FAM133B: variants seen among roughly 807,000 people sequenced by gnomAD.
FAM133B encodes family with sequence similarity 133 member B.
Under a neutral mutation model 46.4 loss-of-function variants are expected in FAM133B, and 25 were observed. The ratio of observed to expected loss-of-function variants is 0.54; its 90% CI spans 0.39 to 0.75. The LOEUF (loss-of-function observed/expected upper bound fraction) is 0.75. FAM133B is among the 30% of genes least tolerant of loss of function. The pLI is 0.00. For synonymous variants in FAM133B, 75 were observed against 86.0 expected (o/e 0.87, Z 0.71); for missense variants, 205 against 277.6 (o/e 0.74, Z 1.86).
At chr7:92,590,041 A>T (rs768111713) in intron 1 of FAM133B, 8 of 606,996 alleles carry the variant, frequency 1.3e-5, no homozygotes, top group African/African-American at 1.9e-5. Flanking sequence ...AAGAGCGACG[A>T]GGTGAGGGAA....
intron 1 of FAM133B, among the ~76,000 whole-genome samples, chr7:92,587,402 A>G (rs374770122): frequency 7.2e-5 from 11 of 152,288 alleles, no homozygotes; most frequent in African/African-American, 2.4e-4. Context: ...TGGTAGAGGA[A>G]TGGCTAGGCC....
intron 1 of FAM133B, among the ~76,000 whole-genome samples, chr7:92,584,053 A>G (rs1794967849): frequency 3.4e-5 from 5 of 147,688 alleles, no homozygotes; most frequent in Admixed American, 1.3e-4. Flanking sequence ...GTCTCAAAAA[A>G]AAAAAAAAAA....
At chr7:92,569,716 A>C in intron 9 of FAM133B, 107 bp downstream of exon 9, 1 of 547,928 alleles carries the variant, frequency 1.8e-6, no homozygotes, top group Non-Finnish European at 3.0e-6. Context: ...TTCATACTAG[A>C]AAGGTGAATA....
At chr7:92,568,924 C>T (rs1794449030) in intron 9 of FAM133B, among the ~76,000 whole-genome samples, 1 of 151,992 alleles carries the variant, frequency 6.6e-6, no homozygotes, top group Non-Finnish European at 1.5e-5. Flanking sequence ...TCTTAAAGGA[C>T]CAAGTGCCAC....
chr7:92,577,143 GATTT>G lies in FAM133B; in HGVS notation c.421_424del (p.Lys141LeufsTer17). On this transcript the variant is annotated frameshift_variant, in exon 7 of 11. Transcript: ENST00000445716. LOFTEE classifies it high-confidence loss of function. ...AGTTTCTGACATGGAGCTTTCAGAA[GATTT>G]ATGTGAACGGTTCTTCTTTTTCTTT... The G allele has an allele frequency of 1.3e-6, 2 of 1,501,812 alleles. No homozygotes were observed. The highest frequency in any genetic ancestry group is 1.8e-6 in the Non-Finnish European group (2 of 1,122,882). 93.0% of individuals were successfully genotyped at this position (1,501,812 alleles called of 1,614,324 possible).
intron 9 of FAM133B, 76 bp from the exon 10 acceptor site, chr7:92,566,137 C>T: frequency 7.3e-7 from 1 of 1,374,478 alleles, no homozygotes; most frequent in South Asian, 1.2e-5. Context: ...CTTTCATTCT[C>T]TATCTTGCAT....
In FAM133B at chr7:92,578,412, C is replaced by T; in HGVS notation, c.202-19G>A. 1 of 1,605,780 alleles carries T rather than the reference C, an allele frequency of 6.2e-7. No homozygotes were observed. The highest frequency in any genetic ancestry group is 1.7e-5 in the Admixed American group (1 of 59,180). On this transcript the variant is annotated intron_variant, in intron 3 of 10. Coordinates refer to ENST00000445716, the MANE Select transcript of FAM133B (RefSeq NM_152789.4). ...TCCAGTTCTGCAAAAAGGTTATGAACACCATCAGAGACTATCTAACCTTTC... is the reference window on the plus strand; with the variant it reads ...TCCAGTTCTGCAAAAAGGTTATGAATACCATCAGAGACTATCTAACCTTTC...
intron 2 of FAM133B, 148 bp downstream of exon 2, chr7:92,581,358 A>T (rs1794863835): frequency 1.5e-6 from 1 of 653,058 alleles, no homozygotes; most frequent in Non-Finnish European, 2.6e-6. Flanking sequence ...TGTTTCACAC[A>T]TTCAAAAGAA....
chr7:92,590,134 A>C (rs1477788718), intron 1 of FAM133B, 134 bp downstream of exon 1: 22 of 1,327,956 alleles, frequency 1.7e-5, no homozygotes, highest in Non-Finnish European at 1.8e-5. Context: ...GGATCGGCGG[A>C]GGGTGCTGGG....
Position 92,567,406 on chromosome 7 carries a change from TTGC to T in FAM133B, c.610-1348_610-1346del, listed in dbSNP as rs567166655. On this transcript the variant is annotated intron_variant, in intron 9 of 10. Coordinates refer to ENST00000445716, the MANE Select transcript of FAM133B (RefSeq NM_152789.4). ...TTGCCTAATGTTGAATTGCGTGGTT[TTGC>T]TGCTAAGTGACTACGACATTAAATA... is the stretch of plus-strand genomic sequence containing the variant. Among the ~76,000 whole-genome samples the T allele has an allele frequency of 1.7e-4, 26 of 152,312 alleles. No homozygotes were observed. In the East Asian group the frequency reaches 3.7e-3, roughly 21 times the overall value.
chr7:92,582,302 AAT>A (rs1365775532), intron 1 of FAM133B, among the ~76,000 whole-genome samples: 148 of 114,368 alleles, frequency 1.3e-3, no homozygotes, highest in Middle Eastern at 4.7e-3. Flanking sequence ...ACATAACATA[AAT>A]AACATAAAAT....
chr7:92,584,175 T>C (rs1794974040), intron 1 of FAM133B, among the ~76,000 whole-genome samples: 1 of 151,310 alleles, frequency 6.6e-6, no homozygotes, highest in East Asian at 1.9e-4. Flanking sequence ...GCCTCCTGAG[T>C]AGCTAGGACA....
chr7:92,564,766 A>C (rs937818502), intron 10 of FAM133B, among the ~76,000 whole-genome samples: 1 of 152,220 alleles, frequency 6.6e-6, no homozygotes, highest in Non-Finnish European at 1.5e-5. Context: ...GAGGGCCCCT[A>C]AATTACTTTG....
At chr7:92,580,323 G>A (rs1037913191) in intron 2 of FAM133B, among the ~76,000 whole-genome samples, 8 of 151,844 alleles carry the variant, frequency 5.3e-5, no homozygotes, top group African/African-American at 1.9e-4. Context: ...TCAAACTCCT[G>A]GCCTCAAGCA....
At chr7:92,584,201 C>T (rs569956703) in intron 1 of FAM133B, among the ~76,000 whole-genome samples, 30 of 152,074 alleles carry the variant, frequency 2.0e-4, no homozygotes, top group African/African-American at 5.3e-4. Flanking sequence ...TGTGAGCCAC[C>T]GTGCCCAGTC....
rs147367444 is a variant in FAM133B, at chr7:92,565,665, G to A, written c.657+349C>T. The A allele has an allele frequency of 3.3e-3, 631 of 192,914 alleles. 4 individuals are homozygous for A. The highest frequency in any genetic ancestry group is 0.014 in the African/African-American group (605 of 42,566). The allele number at this position is 192,914 out of a possible 1,614,324, so 12.0% of individuals were successfully genotyped here. ...TTTTTAGTAGAGACGGGGTTTCACCGTGTTAGCCAGGATGGTCTCGAGCTC... is the reference window on the plus strand; with the variant it reads ...TTTTTAGTAGAGACGGGGTTTCACCATGTTAGCCAGGATGGTCTCGAGCTC... On this transcript the variant is annotated intron_variant, in intron 10 of 10. Coordinates refer to ENST00000445716, the MANE Select transcript of FAM133B (RefSeq NM_152789.4).
intron 9 of FAM133B, among the ~76,000 whole-genome samples, chr7:92,569,319 G>A: frequency 6.6e-6 from 1 of 152,136 alleles, no homozygotes. Context: ...ATGATGCAAT[G>A]CCTTTCGTAA....
intron 5 of FAM133B, 174 bp downstream of exon 5, chr7:92,577,976 C>T (rs1794752322): frequency 1.2e-5 from 8 of 688,908 alleles, no homozygotes; most frequent in South Asian, 8.1e-5. Context: ...TGGTTGGCAC[C>T]GTTTTTTATG....
chr7:92,573,678 G>A (rs1455506954), intron 8 of FAM133B, among the ~76,000 whole-genome samples: 1 of 150,440 alleles, frequency 6.6e-6, no homozygotes, highest in East Asian at 1.9e-4. Context: ...TTTTAAATAT[G>A]AGGGTAACCA....
Sources: allele counts gnomAD v4.1 joint callset (sites outside exome capture counted in the v4.1 genomes callset), GRCh38; gene constraint gnomAD v4.1.1; transcripts MANE v1.5; gene names NCBI Gene and HGNC (gene_info 2026-07-23, HGNC 2026-07-21).